ZNF827: variants seen among roughly 807,000 people sequenced by gnomAD.
ZNF827 encodes the protein zinc finger protein 827.
In ZNF827, 13 loss-of-function variants were observed where a neutral mutation model predicts 102.4. The observed-to-expected ratio is 0.13, with a 90% CI of 0.08 to 0.20. The LOEUF (loss-of-function observed/expected upper bound fraction) is 0.20, where lower values mean the gene tolerates loss of function less well. Ranked by LOEUF, ZNF827 falls within the 10% of genes least tolerant of loss-of-function variation. The pLI, the probability that ZNF827 is intolerant of heterozygous loss-of-function variation, is 1.00. For missense variants in ZNF827, 1,103 were observed against 1,344.4 expected (o/e 0.82, Z 2.81); for synonymous variants, 523 against 536.2 (o/e 0.98, Z 0.34).
intron 4 of ZNF827, among the ~76,000 whole-genome samples, chr4:145,875,785 C>T (rs1749100789): frequency 6.6e-6 from 1 of 152,136 alleles, no homozygotes; most frequent in African/African-American, 2.4e-5. Context: ...AAACCAAGGC[C>T]AAAGACTCTT....
intron 11 of ZNF827, among the ~76,000 whole-genome samples, chr4:145,772,909 C>G (rs79152646): frequency 8.7e-4 from 133 of 152,278 alleles, no homozygotes; most frequent in African/African-American, 2.9e-3. Context: ...TGTGTTTGCA[C>G]TGGTTAGTTG....
intron 1 of ZNF827, among the ~76,000 whole-genome samples, chr4:145,912,122 A>G (rs1752338839): frequency 6.6e-6 from 1 of 152,216 alleles, no homozygotes; most frequent in Non-Finnish European, 1.5e-5. Context: ...CAGGTAACCA[A>G]AAATTATCAA....
intron 5 of ZNF827, among the ~76,000 whole-genome samples, chr4:145,864,676 AG>A (rs1748025588): frequency 6.6e-6 from 1 of 152,162 alleles, no homozygotes; most frequent in South Asian, 2.1e-4. Context: ...ACTCAAAAAA[AG>A]TTGAAATGAA....
At chr4:145,869,698 G>C (rs916176576) in intron 5 of ZNF827, among the ~76,000 whole-genome samples, 1 of 152,116 alleles carries the variant, frequency 6.6e-6, no homozygotes, top group Non-Finnish European at 1.5e-5. Context: ...TGCTAGTAAA[G>C]AATGATTCAT....
chr4:145,769,688 T>C (rs745524979), intron 11 of ZNF827, among the ~76,000 whole-genome samples: 2 of 152,146 alleles, frequency 1.3e-5, no homozygotes, highest in Non-Finnish European at 2.9e-5. Context: ...GCCAGCCAAG[T>C]CCAAGGCTAA....
intron 8 of ZNF827, among the ~76,000 whole-genome samples, chr4:145,786,154 A>C (rs1054064096): frequency 3.2e-4 from 48 of 152,210 alleles, no homozygotes; most frequent in Admixed American, 5.9e-4. Context: ...ACCTCAAAAA[A>C]CAACAGGGAC....
rs545482122 is a variant in ZNF827 at position 145,874,021 on chromosome 4, GA to G, written c.1748-3544del. ...TCTAAGATGAAGCTAAGAAAGAGAT[GA>G]AAAAAAAAAAACTATTGAGGCCCCA... On this transcript the variant is annotated intron_variant, in intron 4 of 14. Coordinates refer to ENST00000508784, the MANE Select transcript of ZNF827 (RefSeq NM_001306215.2). 2.3e-3 allele frequency among the ~76,000 whole-genome samples: 332 copies of G among 143,348 alleles called. 1 individual carries two copies. The highest frequency in any genetic ancestry group is 7.1e-3 in the Middle Eastern group (2 of 280). The allele number at this position is 143,348 out of a possible 152,430, so 94.0% of individuals were successfully genotyped here. A position where few individuals can be genotyped will look rare whatever the true frequency, so the allele number is the denominator to read the frequency against.
intron 5 of ZNF827, among the ~76,000 whole-genome samples, chr4:145,862,950 C>T (rs940941464): frequency 3.9e-5 from 6 of 151,958 alleles, no homozygotes; most frequent in South Asian, 2.1e-4. Context: ...ATTAAGAAAA[C>T]GAAGGACAAC....
In ZNF827 at chr4:145,816,344, T is replaced by C. The variant is rs558426853; in HGVS notation, c.2383+7078A>G. Among the ~76,000 whole-genome samples the C allele has an allele frequency of 8.5e-5, 13 of 152,382 alleles. No homozygotes were observed. The South Asian group carries it at 2.7e-3, about 32-fold the overall frequency. ...ACAATCACAGTTGTTTCTTTATCTT[T>C]GTGGCTTTCTACAGATTCTTCAGGT... is the stretch of plus-strand genomic sequence containing the variant. On this transcript the variant is annotated intron_variant, in intron 8 of 14. Transcript: ENST00000508784.
chr4:145,885,652 G>T (rs1193938383), intron 4 of ZNF827, 26 bp downstream of exon 4: 10 of 1,161,010 alleles, frequency 8.6e-6, no homozygotes, highest in Non-Finnish European at 1.1e-5. Flanking sequence ...GAGAGAGAGA[G>T]AGAGAATACA....
At position 145,886,130 on chromosome 4, in the gene ZNF827, G is replaced by C; in HGVS notation, c.1295C>G (p.Thr432Ser). The change falls in exon 4 of 15, where the codon ACC (threonine) becomes AGC (serine). Residue 432 changes from threonine (T) to serine (S), a missense_variant. Transcript: ENST00000508784. ...KVHQHQDRGE[T>S]FQCQLCPFTS... Reference sequence around the variant, plus strand: ...AAAAGGGCACAGCTGGCACTGAAAGGTCTCTCCCCGATCCTGGTGCTGATG... The same window carrying C: ...AAAAGGGCACAGCTGGCACTGAAAGCTCTCTCCCCGATCCTGGTGCTGATG... 1 of 1,608,442 alleles carries C rather than the reference G, an allele frequency of 6.2e-7. No individual in the cohort carries two copies. The highest frequency in any genetic ancestry group is 8.5e-7 in the Non-Finnish European group (1 of 1,177,246).
chr4:145,918,031 C>T (rs1389976322), intron 1 of ZNF827, among the ~76,000 whole-genome samples: 1 of 152,096 alleles, frequency 6.6e-6, no homozygotes, highest in Non-Finnish European at 1.5e-5. Flanking sequence ...GTTTGAAAAG[C>T]TTTTGATATA....
chr4:145,935,399 G>A (rs1754085549), intron 1 of ZNF827, among the ~76,000 whole-genome samples: 1 of 152,168 alleles, frequency 6.6e-6, no homozygotes, highest in Non-Finnish European at 1.5e-5. Context: ...AGCAAGCCTT[G>A]GGTGACTGTG....
At chr4:145,808,054 AT>A (rs35503468) in intron 8 of ZNF827, among the ~76,000 whole-genome samples, 34,198 of 145,274 alleles carry the variant, frequency 0.24, 4,000 homozygotes, top group Non-Finnish European at 0.27. Context: ...AAGAGTACAC[AT>A]TTTTTTTTTT....
chr4:145,889,689 G>C (rs1237372921), intron 3 of ZNF827, among the ~76,000 whole-genome samples: 1 of 151,802 alleles, frequency 6.6e-6, no homozygotes, highest in Non-Finnish European at 1.5e-5. Flanking sequence ...AAGAAAATCT[G>C]TCCACGGCCG....
intron 8 of ZNF827, among the ~76,000 whole-genome samples, chr4:145,787,828 A>C (rs1739108005): frequency 6.6e-6 from 1 of 152,170 alleles, no homozygotes; most frequent in Non-Finnish European, 1.5e-5. Context: ...GCAAAAATGA[A>C]GCCTGACACT....
intron 4 of ZNF827, among the ~76,000 whole-genome samples, chr4:145,884,453 T>C (rs1470483558): frequency 6.6e-6 from 1 of 152,218 alleles, no homozygotes; most frequent in African/African-American, 2.4e-5. Context: ...AAAAGGGTAT[T>C]GTCAATCTCC....
chr4:145,885,209 C>T (rs1750004806), intron 4 of ZNF827, among the ~76,000 whole-genome samples: 1 of 151,670 alleles, frequency 6.6e-6, no homozygotes, highest in South Asian at 2.1e-4. Context: ...GTCTATAATT[C>T]CTAATAGTAG....
At chr4:145,833,887 T>C (rs1744533897) in intron 7 of ZNF827, among the ~76,000 whole-genome samples, 1 of 151,920 alleles carries the variant, frequency 6.6e-6, no homozygotes, top group African/African-American at 2.4e-5. Context: ...CAACCTCTTA[T>C]CTCTGTGCCC....
Sources: gnomAD v4.1 joint callset for allele counts (sites outside exome capture counted in the v4.1 genomes callset) on GRCh38, gnomAD v4.1.1 for gene constraint, MANE v1.5 for transcripts, NCBI Gene and HGNC (gene_info 2026-07-23, HGNC 2026-07-21) for gene names.